The following CFAP61 variants were observed in gnomAD, a reference collection of about 807,000 sequenced individuals.
The protein encoded by CFAP61 is cilia- and flagella-associated protein 61.
CFAP61 carries 107 observed loss-of-function variants against 135.6 expected under a neutral mutation model. That is an observed-to-expected ratio of 0.79 (90% confidence interval 0.67 to 0.93). The LOEUF (loss-of-function observed/expected upper bound fraction) is 0.93. Among genes scored for constraint, CFAP61 ranks in the 40% least tolerant of loss-of-function variants. CFAP61 has a pLI of 0.00. For synonymous variants in CFAP61, 575 were observed against 578.5 expected (o/e 0.99, Z 0.09); for missense variants, 1,507 against 1,556.2 (o/e 0.97, Z 0.53).
chr20:20,054,014 T>G (rs2663986), intron 1 of CFAP61, among the ~76,000 whole-genome samples: 10,923 of 133,040 alleles, frequency 0.082, 1,097 homozygotes, highest in East Asian at 0.58. Context: ...TTTTTGTTTG[T>G]TTTTTTTTTT....
At chr20:20,100,244 C>T (rs927174047) in intron 8 of CFAP61, among the ~76,000 whole-genome samples, 6 of 151,346 alleles carry the variant, frequency 4.0e-5, no homozygotes, top group Middle Eastern at 3.4e-3. Flanking sequence ...GTGATCTTGG[C>T]TCACTGCAAC....
At chr20:20,191,194 G>A (rs1160918419) in intron 14 of CFAP61, 148 bp from the exon 15 acceptor site, 13 of 490,336 alleles carry the variant, frequency 2.7e-5, no homozygotes, top group East Asian at 9.6e-5. Flanking sequence ...TAGGGAAGGC[G>A]TTTAACTTAC....
At chr20:20,212,387 C>T (rs370480575) in intron 17 of CFAP61, among the ~76,000 whole-genome samples, 5 of 152,268 alleles carry the variant, frequency 3.3e-5, no homozygotes, top group South Asian at 2.1e-4. Flanking sequence ...AGTTTGGCCC[C>T]GGGGAAGTGC....
At chr20:20,271,057 C>T (rs2053308623) in intron 21 of CFAP61, among the ~76,000 whole-genome samples, 1 of 152,122 alleles carries the variant, frequency 6.6e-6, no homozygotes, top group African/African-American at 2.4e-5. Flanking sequence ...CTTGAGAGGC[C>T]AAGGTGAGAG....
intron 2 of CFAP61, chr20:20,069,773 T>C: frequency 2.2e-6 from 1 of 456,368 alleles, no homozygotes; most frequent in Non-Finnish European, 4.4e-6. Flanking sequence ...GCACTGACAG[T>C]GTATTCCTTC....
intron 8 of CFAP61, among the ~76,000 whole-genome samples, chr20:20,106,930 C>T (rs540513288): frequency 1.8e-4 from 28 of 152,270 alleles, no homozygotes; most frequent in Middle Eastern, 3.4e-3. Flanking sequence ...TTGGCTATTA[C>T]GCTATATGGA....
chr20:20,097,369 AATCTACT>A (rs2047662622), intron 7 of CFAP61, among the ~76,000 whole-genome samples: 1 of 152,208 alleles, frequency 6.6e-6, no homozygotes, highest in South Asian at 2.1e-4. Context: ...ATTTGCTTAA[AATCTACT>A]AATAATTATT....
At chr20:20,114,161 T>C (rs1427650393) in intron 8 of CFAP61, among the ~76,000 whole-genome samples, 1 of 151,948 alleles carries the variant, frequency 6.6e-6, no homozygotes, top group African/African-American at 2.4e-5. Flanking sequence ...TCCCAGCTAC[T>C]CAGGAGGCTG....
At chr20:20,191,584 C>T (rs1303282615) in intron 15 of CFAP61, among the ~76,000 whole-genome samples, 165 bp downstream of exon 15, 1 of 152,062 alleles carries the variant, frequency 6.6e-6, no homozygotes, top group Non-Finnish European at 1.5e-5. Flanking sequence ...GAAGGACTTG[C>T]AATTCTCCAT....
In CFAP61 at chr20:20,275,473, G is replaced by C. The variant is rs1238619344; in HGVS notation, c.2504-1693G>C. Among the ~76,000 whole-genome samples the C allele has an allele frequency of 5.3e-5, 8 of 152,102 alleles. No homozygotes were observed. In the East Asian group the frequency reaches 1.5e-3, roughly 29 times the overall value. On this transcript the variant is annotated intron_variant, in intron 21 of 26. Transcript: ENST00000245957. ...TATTTTACAAAATGTATTACCTTTG[G>C]AATTGAAAAGTATCGTCCTCTCCAG...
intron 17 of CFAP61, among the ~76,000 whole-genome samples, chr20:20,204,897 A>G (rs569853550): frequency 1.3e-5 from 2 of 152,270 alleles, no homozygotes; most frequent in East Asian, 1.9e-4. Flanking sequence ...GCCAGTTCCT[A>G]TGTGTTTACA....
chr20:20,293,483 A>T (rs960626321), intron 24 of CFAP61, among the ~76,000 whole-genome samples: 18 of 152,170 alleles, frequency 1.2e-4, no homozygotes, highest in African/African-American at 4.3e-4. Context: ...TTGGGGTTGG[A>T]ATTAATTTGA....
intron 13 of CFAP61, among the ~76,000 whole-genome samples, chr20:20,171,508 C>T (rs940991125): frequency 2.0e-5 from 3 of 152,152 alleles, no homozygotes; most frequent in Non-Finnish European, 2.9e-5. Context: ...CTGGAGCTAG[C>T]AGGTCTCATA....
At chr20:20,124,403 G>A (rs1380470175) in intron 8 of CFAP61, among the ~76,000 whole-genome samples, 1 of 151,650 alleles carries the variant, frequency 6.6e-6, no homozygotes, top group Non-Finnish European at 1.5e-5. Context: ...ATTACATTGA[G>A]GTATGTTCCT....
At chr20:20,157,480 G>A (rs2146791892) in intron 9 of CFAP61, among the ~76,000 whole-genome samples, 2 of 152,306 alleles carry the variant, frequency 1.3e-5, no homozygotes, top group East Asian at 3.9e-4. Context: ...TCAACATATA[G>A]ACAACTGATT....
At chr20:20,152,812 A>G (rs1365353569) in intron 9 of CFAP61, among the ~76,000 whole-genome samples, 2 of 152,206 alleles carry the variant, frequency 1.3e-5, no homozygotes, top group Admixed American at 6.5e-5. Flanking sequence ...GAGACAGGAC[A>G]TCATGACAGA....
intron 17 of CFAP61, chr20:20,225,675 A>G (rs942359044): frequency 1.3e-5 from 2 of 152,342 alleles, no homozygotes; most frequent in East Asian, 3.9e-4. Flanking sequence ...ATGTCTGAAC[A>G]TATCTCCTTT....
At chr20:20,207,243 G>A (rs1349394509) in intron 17 of CFAP61, among the ~76,000 whole-genome samples, 4 of 152,286 alleles carry the variant, frequency 2.6e-5, no homozygotes, top group East Asian at 3.9e-4. Flanking sequence ...TTTTTTTAAA[G>A]CCACCAGCAG....
intron 9 of CFAP61, among the ~76,000 whole-genome samples, chr20:20,156,294 T>TA (rs905815690): frequency 1.6e-4 from 24 of 151,318 alleles, no homozygotes; most frequent in African/African-American, 4.1e-4. Context: ...TTTAACAAAC[T>TA]AAAAAAAAAC....
Sources: gnomAD v4.1 joint callset for allele counts (sites outside exome capture counted in the v4.1 genomes callset) on GRCh38, gnomAD v4.1.1 for gene constraint, MANE v1.5 for transcripts, NCBI Gene and HGNC (gene_info 2026-07-23, HGNC 2026-07-21) for gene names.